Variants in RALGAPA2 observed in about 807,000 individuals in gnomAD.
The protein encoded by RALGAPA2 is Ral GTPase activating protein catalytic subunit alpha 2, also known as ral GTPase-activating protein subunit alpha-2.
In RALGAPA2, 139 loss-of-function variants were observed where a neutral mutation model predicts 230.4. That is an observed-to-expected ratio of 0.60 (90% CI 0.53 to 0.69). The LOEUF is 0.69. Ranked by LOEUF, RALGAPA2 falls within the 30% of genes least tolerant of loss-of-function variation. The pLI, the probability that RALGAPA2 is intolerant of heterozygous loss-of-function variation, is 0.00. For synonymous variants in RALGAPA2, 847 were observed against 837.8 expected, an observed-to-expected ratio of 1.01 and a Z score of -0.19; for missense variants, 2,163 against 2,276.0, an observed-to-expected ratio of 0.95 and a Z score of 1.01.
chr20:20,574,426 T>A (rs2064754848), intron 20 of RALGAPA2, among the ~76,000 whole-genome samples: 1 of 152,246 alleles, frequency 6.6e-6, no homozygotes. Context: ...TTTAATGATT[T>A]ACATGTATAT....
intron 6 of RALGAPA2, among the ~76,000 whole-genome samples, 181 bp from the exon 7 acceptor site, chr20:20,640,081 G>A (rs543434477): frequency 2.0e-5 from 3 of 152,278 alleles, no homozygotes; most frequent in South Asian, 2.1e-4. Context: ...AGATGCCCAC[G>A]AAGCGCCTTC....
At chr20:20,524,291 C>A (rs2063132532) in intron 30 of RALGAPA2, 115 bp downstream of exon 30, 3 of 1,382,194 alleles carry the variant, frequency 2.2e-6, no homozygotes, top group Non-Finnish European at 3.0e-6. Context: ...TTTAAGCCAC[C>A]ATAAATCCTT....
At chr20:20,686,139 C>T (rs2068691048) in intron 1 of RALGAPA2, among the ~76,000 whole-genome samples, 1 of 152,216 alleles carries the variant, frequency 6.6e-6, no homozygotes, top group Admixed American at 6.5e-5. Flanking sequence ...TGGAAGGCAA[C>T]AGCAAAGGTT....
At chr20:20,452,702 G>A (rs1055890548) in intron 37 of RALGAPA2, among the ~76,000 whole-genome samples, 3 of 152,240 alleles carry the variant, frequency 2.0e-5, no homozygotes, top group African/African-American at 7.2e-5. Flanking sequence ...TCCCACAACA[G>A]CCTCAAGAGT....
chr20:20,656,527 GA>G (rs943173886), intron 3 of RALGAPA2, among the ~76,000 whole-genome samples: 4 of 151,476 alleles, frequency 2.6e-5, no homozygotes, highest in Non-Finnish European at 5.9e-5. Context: ...TGTTTCAAGG[GA>G]AAAAAAATCA....
At chr20:20,488,784 C>T (rs1427565688) in intron 36 of RALGAPA2, among the ~76,000 whole-genome samples, 3 of 152,326 alleles carry the variant, frequency 2.0e-5, no homozygotes, top group East Asian at 3.9e-4. Flanking sequence ...CATTTATTTA[C>T]TTATTTACTG....
intron 1 of RALGAPA2, among the ~76,000 whole-genome samples, chr20:20,696,234 G>A (rs1285284632): frequency 6.6e-6 from 1 of 152,112 alleles, no homozygotes; most frequent in Admixed American, 6.6e-5. Context: ...ACCTTTGCTT[G>A]CTACAGATTC....
chr20:20,677,730 G>A (rs1391088943), intron 2 of RALGAPA2, among the ~76,000 whole-genome samples: 4 of 128,572 alleles, frequency 3.1e-5, no homozygotes, highest in Non-Finnish European at 4.7e-5. Flanking sequence ...TGCAAGCTCC[G>A]CCTCCTGGGT....
intron 5 of RALGAPA2, 138 bp downstream of exon 5, chr20:20,643,368 T>C (rs988514267): frequency 2.5e-6 from 2 of 810,890 alleles, no homozygotes; most frequent in South Asian, 1.8e-5. Flanking sequence ...CCTAACAATA[T>C]AATTTCTCAA....
intron 23 of RALGAPA2, among the ~76,000 whole-genome samples, chr20:20,548,125 C>CCACACA (rs58279852): frequency 7.8e-4 from 115 of 148,102 alleles, no homozygotes; most frequent in African/African-American, 1.8e-3. Flanking sequence ...AGCAAAATCT[C>CCACACA]CACACACACA....
chr20:20,685,915 G>A (rs1450848544), intron 1 of RALGAPA2, among the ~76,000 whole-genome samples: 5 of 152,108 alleles, frequency 3.3e-5, no homozygotes, highest in Non-Finnish European at 7.4e-5. Context: ...CAGAACTCAG[G>A]GAAGCATGTC....
chr20:20,607,382 T>TA (rs2065853541), intron 14 of RALGAPA2, among the ~76,000 whole-genome samples: 1 of 152,164 alleles, frequency 6.6e-6, no homozygotes, highest in South Asian at 2.1e-4. Flanking sequence ...GTTAATTATA[T>TA]AAAAAACAAG....
At chr20:20,405,208 A>C (rs1357340022) in intron 38 of RALGAPA2, among the ~76,000 whole-genome samples, 1 of 152,216 alleles carries the variant, frequency 6.6e-6, no homozygotes, top group Non-Finnish European at 1.5e-5. Flanking sequence ...ATCTCAACCC[A>C]ACTGGCCTAA....
At chr20:20,511,424 C>T in intron 32 of RALGAPA2, 99 bp from the exon 33 acceptor site, 1 of 1,443,922 alleles carries the variant, frequency 6.9e-7, no homozygotes, top group Non-Finnish European at 9.1e-7. Context: ...CATCCATCCT[C>T]TACCACCTCA....
At chr20:20,496,658 G>GT (rs2062214425) in intron 35 of RALGAPA2, among the ~76,000 whole-genome samples, 1 of 152,148 alleles carries the variant, frequency 6.6e-6, no homozygotes, top group Non-Finnish European at 1.5e-5. Flanking sequence ...TTGTCTTAAA[G>GT]TATTTTTTAA....
rs1188492071 is a variant in RALGAPA2 at position 20,458,516 on chromosome 20, G to A, written c.5495+14313C>T. On this transcript the variant is annotated intron_variant, in intron 37 of 39. Transcript: ENST00000202677. ...TATATATATTATATATAATATATAT[G>A]TATTTTATATATATTATATATAATA... is the stretch of plus-strand genomic sequence containing the variant. Among the ~76,000 whole-genome samples the A allele has an allele frequency of 6.0e-4, 77 of 127,356 alleles. 1 individual carries two copies. The highest frequency in any genetic ancestry group is 6.4e-4 in the Non-Finnish European group (39 of 61,320). The allele number at this position is 127,356 out of a possible 152,430, so 83.6% of individuals were successfully genotyped here.
intron 20 of RALGAPA2, among the ~76,000 whole-genome samples, chr20:20,575,044 A>G (rs2064774748): frequency 6.6e-6 from 1 of 152,192 alleles, no homozygotes; most frequent in Non-Finnish European, 1.5e-5. Context: ...AAATGCTTCA[A>G]CCATTTGACC....
intron 37 of RALGAPA2, among the ~76,000 whole-genome samples, chr20:20,447,335 A>C (rs1331143471): frequency 6.6e-6 from 1 of 152,256 alleles, no homozygotes; most frequent in African/African-American, 2.4e-5. Context: ...ATAAACAAAA[A>C]TAACATTCAC....
intron 20 of RALGAPA2, 141 bp downstream of exon 20, chr20:20,582,909 T>G: frequency 1.2e-6 from 1 of 823,888 alleles, no homozygotes; most frequent in Non-Finnish European, 1.9e-6. Flanking sequence ...CATCACTTCC[T>G]CCTATGGTGG....
Sources: allele counts gnomAD v4.1 joint callset (sites outside exome capture counted in the v4.1 genomes callset), GRCh38; gene constraint gnomAD v4.1.1; transcripts MANE v1.5; gene names NCBI Gene and HGNC (gene_info 2026-07-23, HGNC 2026-07-21).